Variants in CASK observed in about 807,000 individuals in gnomAD.
CASK encodes the protein peripheral plasma membrane protein CASK.
CASK carries 4 observed loss-of-function variants against 82.9 expected under a neutral mutation model. The observed-to-expected ratio is 0.05, with a 90% confidence interval of 0.02 to 0.11. CASK has a LOEUF of 0.11. Ranked by LOEUF, CASK falls within the 10% of genes least tolerant of loss-of-function variation. The pLI is 1.00. For synonymous variants in CASK, 259 were observed against 253.5 expected, an observed-to-expected ratio of 1.02 and a Z score of -0.20; for missense variants, 358 against 720.9, an observed-to-expected ratio of 0.50 and a Z score of 5.76.
chrX:41,630,432 C>T (rs377255424), intron 9 of CASK, among the ~76,000 whole-genome samples: 1 of 111,573 alleles, frequency 9.0e-6, no homozygotes, highest in Non-Finnish European at 1.9e-5. Context: ...CTCAGAAACA[C>T]GCATCATGAA....
At chrX:41,588,448 T>G (rs2065690768) in intron 13 of CASK, 1 of 111,264 alleles carries the variant, frequency 9.0e-6, no homozygotes, top group Non-Finnish European at 1.9e-5. Context: ...AGGGTGGTGA[T>G]TCATGCCTCT....
chrX:41,883,624 A>G (rs2071991210), intron 1 of CASK, among the ~76,000 whole-genome samples: 1 of 111,496 alleles, frequency 9.0e-6, no homozygotes, highest in Non-Finnish European at 1.9e-5. Context: ...AAAAATATCG[A>G]CATTTTTTGA....
chrX:41,697,765 T>A (rs1352306947), intron 5 of CASK: 2 of 111,543 alleles, frequency 1.8e-5, no homozygotes, highest in Non-Finnish European at 3.8e-5. Context: ...CTGCATGAAA[T>A]CATTTATGTA....
intron 14 of CASK, among the ~76,000 whole-genome samples, chrX:41,581,136 T>C (rs2065570609): frequency 8.9e-6 from 1 of 111,796 alleles, no homozygotes; most frequent in Admixed American, 9.5e-5. Context: ...CCCAGCACTT[T>C]GGGATGCCAA....
chrX:41,782,902 T>C (rs1028590775), intron 3 of CASK, among the ~76,000 whole-genome samples: 1 of 112,063 alleles, frequency 8.9e-6, no homozygotes, highest in Non-Finnish European at 1.9e-5. Flanking sequence ...TCCAGAACTT[T>C]GGGAGGCTGA....
intron 3 of CASK, among the ~76,000 whole-genome samples, chrX:41,781,281 C>T (rs945490411): frequency 1.1e-4 from 12 of 111,745 alleles, no homozygotes; most frequent in Non-Finnish European, 2.3e-4. Context: ...ACAACATTCT[C>T]GGGCCATATA....
chrX:41,718,494 T>C (rs369417832), intron 5 of CASK, among the ~76,000 whole-genome samples: 2 of 111,940 alleles, frequency 1.8e-5, no homozygotes, highest in South Asian at 3.7e-4. Flanking sequence ...TCCAGGTAGA[T>C]AGTGTCAGAA....
intron 1 of CASK, among the ~76,000 whole-genome samples, chrX:41,854,217 G>GGT (rs2071324237): frequency 3.8e-5 from 2 of 52,629 alleles, no homozygotes; most frequent in Non-Finnish European, 7.7e-5. Context: ...CGCGCGCGCG[G>GGT]GCGCGCGCAC....
chrX:41,553,485 T>C (rs2065125309), intron 21 of CASK, among the ~76,000 whole-genome samples: 1 of 111,272 alleles, frequency 9.0e-6, no homozygotes, highest in Non-Finnish European at 1.9e-5. Flanking sequence ...ATCCAATCTC[T>C]TTCCAGACCT....
chrX:41,902,933 T>C (rs964806978), intron 1 of CASK, among the ~76,000 whole-genome samples: 6 of 111,949 alleles, frequency 5.4e-5, no homozygotes, highest in Non-Finnish European at 1.1e-4. Context: ...AAAGGCAAAG[T>C]TCAGTCAGGT....
At chrX:41,827,393 G>A (rs2070690229) in intron 2 of CASK, among the ~76,000 whole-genome samples, 1 of 111,792 alleles carries the variant, frequency 8.9e-6, no homozygotes, top group Admixed American at 9.4e-5. Flanking sequence ...GGTACCAGCA[G>A]ATCTGGTATC....
intron 5 of CASK, among the ~76,000 whole-genome samples, chrX:41,714,450 G>A (rs2068029350): frequency 8.9e-6 from 1 of 112,127 alleles, no homozygotes; most frequent in African/African-American, 3.2e-5. Flanking sequence ...TATTGTGTCT[G>A]ACTGGGGAAT....
intron 1 of CASK, among the ~76,000 whole-genome samples, chrX:41,906,417 A>G (rs2072471284): frequency 8.9e-6 from 1 of 112,583 alleles, no homozygotes; most frequent in Non-Finnish European, 1.9e-5. Flanking sequence ...CAGCATAAGT[A>G]CCCTTAAATA....
chrX:41,675,271 G>C (rs1013716622), intron 5 of CASK, among the ~76,000 whole-genome samples: 40 of 112,163 alleles, frequency 3.6e-4, no homozygotes, highest in African/African-American at 1.2e-3. Flanking sequence ...GTATTCCACA[G>C]ATATACATGG....
intron 8 of CASK, chrX:41,659,997 TA>T (rs756132427): frequency 0.17 from 16,620 of 95,773 alleles, 793 homozygotes; most frequent in Middle Eastern, 0.2. Context: ...AGACCTTGTC[TA>T]AAAAAAAAAA....
intron 1 of CASK, among the ~76,000 whole-genome samples, chrX:41,908,950 G>A (rs769448480): frequency 1.7e-4 from 19 of 111,864 alleles, no homozygotes; most frequent in Admixed American, 1.2e-3. Context: ...AATAAATGAC[G>A]GTGGCTGTGT....
chrX:41,652,065 C>T (rs2066873027), intron 8 of CASK, among the ~76,000 whole-genome samples: 1 of 111,205 alleles, frequency 9.0e-6, no homozygotes, highest in Non-Finnish European at 1.9e-5. Context: ...AAGCTGATAC[C>T]TAAGCAAAGA....
At chrX:41,760,204 G>C (rs2068976810) in intron 3 of CASK, among the ~76,000 whole-genome samples, 1 of 112,258 alleles carries the variant, frequency 8.9e-6, no homozygotes, top group Non-Finnish European at 1.9e-5. Flanking sequence ...TTCACTGTTA[G>C]TCCTCAGTGT....
At chrX:41,585,197 G>C in intron 14 of CASK, 1 of 112,829 alleles carries the variant, frequency 8.9e-6, no homozygotes, top group African/African-American at 3.2e-5. Context: ...TTTGAACGAA[G>C]TTCTGTGTTT....
Sources: gnomAD v4.1 joint callset for allele counts (sites outside exome capture counted in the v4.1 genomes callset) on GRCh38, gnomAD v4.1.1 for gene constraint, MANE v1.5 for transcripts, NCBI Gene and HGNC (gene_info 2026-07-23, HGNC 2026-07-21) for gene names.